Variants in GAS6 observed in about 807,000 individuals in gnomAD.
GAS6 encodes the protein growth arrest-specific protein 6.
In GAS6, 41 loss-of-function variants were observed where a neutral mutation model predicts 75.8. That is an observed-to-expected ratio of 0.54 (90% CI 0.42 to 0.70). The LOEUF (loss-of-function observed/expected upper bound fraction) is 0.70. Ranked by LOEUF, GAS6 falls within the 30% of genes least tolerant of loss-of-function variation. GAS6 has a pLI of 0.00. For synonymous variants in GAS6, 432 were observed against 412.6 expected, an observed-to-expected ratio of 1.05 and a Z score of -0.57; for missense variants, 854 against 940.2, an observed-to-expected ratio of 0.91 and a Z score of 1.20.
chr13:113,834,792 C>T (rs1446498180), intron 7 of GAS6, 120 bp from the exon 8 acceptor site: 1 of 1,158,286 alleles, frequency 8.6e-7, no homozygotes, highest in Non-Finnish European at 1.1e-6. Context: ...CATGCAGATT[C>T]TAACGGGGGC....
rs997099041 is a variant in GAS6, at chr13:113,848,427, C to T, written c.256-377G>A. Among the ~76,000 whole-genome samples the T allele has an allele frequency of 2.0e-5, 3 of 152,138 alleles. No homozygotes were observed. The highest frequency in any genetic ancestry group is 6.5e-5 in the Admixed American group (1 of 15,274). Reference sequence around the variant, plus strand: ...CCCCAAAGACCTTTCTTTTGGCACACGGGCATTGATTTGCACTTATAGTAT... The same window carrying T: ...CCCCAAAGACCTTTCTTTTGGCACATGGGCATTGATTTGCACTTATAGTAT... On this transcript the variant is annotated intron_variant, in intron 2 of 14. Transcript: ENST00000327773. The surrounding 1 kb of genome is among the most constrained non-coding windows in gnomAD (Gnocchi z 4.8).
At position 113,844,102 on chromosome 13, in the gene GAS6, C is replaced by T. The variant is rs568596182; in HGVS notation, c.343+2425G>A. On this transcript the variant is annotated intron_variant, in intron 4 of 14. Coordinates refer to ENST00000327773, the MANE Select transcript of GAS6 (RefSeq NM_000820.4). This position sits in a 1 kb window ranked among gnomAD's most constrained non-coding sequence, Gnocchi z 5.7. ...TGAGAGCCCCAGGCCACAGGCAGGG[C>T]AGCCTCTGAGGGCCGGCTCAGGGAG... The T allele has an allele frequency of 6.6e-6, 1 of 150,848 alleles. No individual in the cohort carries two copies. The highest frequency in any genetic ancestry group is 6.6e-5 in the Admixed American group (1 of 15,266). 9.3% of individuals were successfully genotyped at this position (150,848 alleles called of 1,614,324 possible).
At chr13:113,834,735 C>T in intron 7 of GAS6, 63 bp from the exon 8 acceptor site, 2 of 1,371,198 alleles carry the variant, frequency 1.5e-6, no homozygotes, top group Non-Finnish European at 9.5e-7. Flanking sequence ...GCCGTGGGAT[C>T]ACACCGCGAT....
chr13:113,860,051 GAGCC>G (rs772732521), intron 2 of GAS6, among the ~76,000 whole-genome samples: 4 of 152,358 alleles, frequency 2.6e-5, no homozygotes, highest in East Asian at 3.9e-4. Context: ...AGTTCAGGAT[GAGCC>G]AGCAAGTTTG....
At chr13:113,838,246 C>T (rs896653982) in intron 5 of GAS6, 55 bp from the exon 6 acceptor site, 101 of 1,599,144 alleles carry the variant, frequency 6.3e-5, no homozygotes, top group African/African-American at 5.1e-4. Context: ...CCCCTGGCTA[C>T]GGTAGGAAGA....
rs1338146073 is a variant in GAS6 at position 113,820,743 on chromosome 13, G to A, written c.*121C>T. 2 of 1,147,266 alleles carry A rather than the reference G, an allele frequency of 1.7e-6. No individual in the cohort carries two copies. The highest frequency in any genetic ancestry group is 2.4e-6 in the Non-Finnish European group (2 of 829,232). 71.1% of individuals were successfully genotyped at this position (1,147,266 alleles called of 1,614,324 possible). On this transcript the variant is annotated 3_prime_UTR_variant, in exon 15 of 15. Coordinates refer to ENST00000327773, the MANE Select transcript of GAS6 (RefSeq NM_000820.4). Reference sequence around the variant, plus strand: ...TCTCACTATTTACAGATATGTTACAGGCCGGGATGGTCACAGAGGAAAGCC... The same window carrying A: ...TCTCACTATTTACAGATATGTTACAAGCCGGGATGGTCACAGAGGAAAGCC...
chr13:113,840,794 A>C (rs2051767133), intron 4 of GAS6: 1 of 152,232 alleles, frequency 6.6e-6, no homozygotes, highest in Non-Finnish European at 1.5e-5. Flanking sequence ...GCTCAGCCCC[A>C]CATGAGGACT....
chr13:113,855,178 G>A (rs1306052538), intron 2 of GAS6, among the ~76,000 whole-genome samples: 1 of 151,738 alleles, frequency 6.6e-6, no homozygotes, highest in Non-Finnish European at 1.5e-5. Context: ...CGGTGAGGGC[G>A]TCTCCTGCAC....
chr13:113,858,494 T>C (rs1319789600), intron 2 of GAS6, among the ~76,000 whole-genome samples: 1 of 134,840 alleles, frequency 7.4e-6, no homozygotes, highest in Non-Finnish European at 1.5e-5. Context: ...TATGTATGCA[T>C]GTCTGTGTGT....
rs1332675797 is a variant in GAS6, at chr13:113,848,305, G to A, written c.256-255C>T. Among the ~76,000 whole-genome samples, 1 of 152,148 alleles carries A rather than the reference G, an allele frequency of 6.6e-6. No individual in the cohort carries two copies. The highest frequency in any genetic ancestry group is 1.5e-5 in the Non-Finnish European group (1 of 68,018). ...GAGGCCTGCCCAGGAGGACAAGAAT[G>A]CTTCCAAGTAAAACCCCACTCTTAG... On this transcript the variant is annotated intron_variant, in intron 2 of 14. Transcript: ENST00000327773. This position sits in a 1 kb window ranked among gnomAD's most constrained non-coding sequence, Gnocchi z 4.8.
At chr13:113,834,803 G>C (rs1000587416) in intron 7 of GAS6, 131 bp from the exon 8 acceptor site, 1 of 1,059,230 alleles carries the variant, frequency 9.4e-7, no homozygotes, top group Non-Finnish European at 1.2e-6. Flanking sequence ...TAACGGGGGC[G>C]GCTTGGGGGT....
chr13:113,852,294 C>T (rs911064452), intron 2 of GAS6, among the ~76,000 whole-genome samples: 17 of 152,206 alleles, frequency 1.1e-4, no homozygotes, highest in African/African-American at 3.6e-4. Flanking sequence ...TGGACGTCCC[C>T]GTGCTGGGGG....
At chr13:113,838,041 GGA>G (rs1461359054) in intron 6 of GAS6, 26 bp downstream of exon 6, 11 of 1,610,224 alleles carry the variant, frequency 6.8e-6, no homozygotes, top group South Asian at 4.4e-5. Context: ...AGAGGAGAGA[GGA>G]GAGAGGCCTC....
rs2138671632 is a variant in GAS6, at chr13:113,863,475, C to T, written c.255+100G>A. On this transcript the variant is annotated intron_variant, in intron 2 of 14. Transcript: ENST00000327773. This position sits in a 1 kb window ranked among gnomAD's most constrained non-coding sequence, Gnocchi z 9.4. ...CTGGGACCCTGAGGCCAGGCCTCGC[C>T]GCGCGGAGCTGGGGGGCGGCAGCAG... The T allele has an allele frequency of 1.6e-6, 2 of 1,224,380 alleles. No individual in the cohort carries two copies. Among genetic ancestry groups the T allele is most frequent in the Middle Eastern group, 5.9e-4 (2 of 3,374 alleles). The allele number at this position is 1,224,380 out of a possible 1,614,324, so 75.8% of individuals were successfully genotyped here.
intron 8 of GAS6, chr13:113,833,258 A>T: frequency 9.5e-7 from 1 of 1,048,432 alleles, no homozygotes; most frequent in African/African-American, 1.7e-5. Context: ...CACCGTGGGC[A>T]GCCAGGGTGA....
Position 113,837,673 on chromosome 13 carries a change from G to A in GAS6, c.589+396C>T, listed in dbSNP as rs117789687. ...TAGTGGACAGAGGGAGACCAACAAC[G>A]GGGTGCTTCTGGGGATGCTGGGGAG... On this transcript the variant is annotated intron_variant, in intron 6 of 14. Coordinates refer to ENST00000327773, the MANE Select transcript of GAS6 (RefSeq NM_000820.4). The surrounding 1 kb of genome is among the most constrained non-coding windows in gnomAD (Gnocchi z 5.1). Among the ~76,000 whole-genome samples the A allele has an allele frequency of 8.0e-3, 1,212 of 152,272 alleles. 4 individuals are homozygous for A. Among genetic ancestry groups the A allele is most frequent in the Non-Finnish European group, 0.013 (874 of 67,992 alleles).
chr13:113,862,283 C>T (rs1039718799), intron 2 of GAS6, among the ~76,000 whole-genome samples: 1 of 152,128 alleles, frequency 6.6e-6, no homozygotes, highest in Non-Finnish European at 1.5e-5. Flanking sequence ...GACCCTGCTG[C>T]CCTCAACTCC....
intron 10 of GAS6, among the ~76,000 whole-genome samples, chr13:113,829,366 G>A (rs868441536): frequency 1.5e-4 from 11 of 72,298 alleles, no homozygotes; most frequent in African/African-American, 4.6e-4. Context: ...AGAGGGACCT[G>A]ACCTCAGGGA....
In GAS6 at chr13:113,832,386, G is replaced by C; in HGVS notation, c.1056C>G (p.Ala352=). The change falls in exon 10 of 15, where the codon GCC becomes GCG. Residue 352 remains alanine, a synonymous_variant. Coordinates refer to ENST00000327773, the MANE Select transcript of GAS6 (RefSeq NM_000820.4). ...DSTWIVLALR[A]GRLELQLRYN... is the part of the protein sequence containing the mutation. ...AGCGCAGCTGCAGCTCCAGCCGGCC[G>C]GCTCTCAGGGCCAGCACGATCCAGG... 8 of 1,611,714 alleles carry C rather than the reference G, an allele frequency of 5.0e-6. No homozygotes were observed. Among genetic ancestry groups the C allele is most frequent in the Non-Finnish European group, 6.8e-6 (8 of 1,179,900 alleles).
Sources: allele counts gnomAD v4.1 joint callset (sites outside exome capture counted in the v4.1 genomes callset), GRCh38; gene constraint gnomAD v4.1.1; non-coding constraint Gnocchi (gnomAD v3.1); transcripts MANE v1.5; gene names NCBI Gene and HGNC (gene_info 2026-07-23, HGNC 2026-07-21).